The following DGKB variants were observed in gnomAD, a reference collection of about 807,000 sequenced individuals.
DGKB encodes diacylglycerol kinase beta, also known as 90 kDa diacylglycerol kinase.
In DGKB, 67 loss-of-function variants were observed where a neutral mutation model predicts 114.3. The ratio of observed to expected loss-of-function variants is 0.59; its 90% CI spans 0.48 to 0.72. The LOEUF (loss-of-function observed/expected upper bound fraction) is 0.72. Among genes scored for constraint, DGKB ranks in the 30% least tolerant of loss-of-function variants. The probability of loss-of-function intolerance (pLI) is 0.00; values close to 1 mark genes in which losing one functional copy is unlikely to be tolerated. For synonymous variants in DGKB, 398 were observed against 323.1 expected (o/e 1.23, Z -2.49); for missense variants, 907 against 975.2 (o/e 0.93, Z 0.93).
Position 14,147,431 on chromosome 7 carries a change from A to G in DGKB, c.*1700T>C, listed in dbSNP as rs1169266719. 1.3e-5 allele frequency: 2 copies of G among 152,150 alleles called. No individual in the cohort carries two copies. The highest frequency in any genetic ancestry group is 2.9e-5 in the Non-Finnish European group (2 of 67,996). 9.4% of individuals were successfully genotyped at this position (152,150 alleles called of 1,614,324 possible). A position where few individuals can be genotyped will look rare whatever the true frequency, so the allele number is the denominator to read the frequency against. ...CACTTTGTACGTAATCTTCCATTAT[A>G]GCACATTGCTTGAGAGCAGCTATTT... is the stretch of plus-strand genomic sequence containing the variant. On this transcript the variant is annotated 3_prime_UTR_variant, in exon 26 of 26. Coordinates refer to ENST00000402815, the MANE Select transcript of DGKB (RefSeq NM_001350709.2).
At position 14,338,694 on chromosome 7, in the gene DGKB, A is replaced by T. The variant is rs765612191; in HGVS notation, c.1943T>A (p.Ile648Lys). Residue 648 changes from isoleucine to lysine, a missense_variant, in exon 23 of 26, where the codon ATA becomes AAA. Ile to Lys is a moderately radical substitution (Grantham distance 102). Transcript: ENST00000402815. ...SVEIECDGVQ[I>K]DLINISLEGI... Reference sequence around the variant, plus strand: ...TTCCAGAGAGATGTTTATTAAATCTATCTGTACTCCATCACACTGATCGGT... The same window carrying T: ...TTCCAGAGAGATGTTTATTAAATCTTTCTGTACTCCATCACACTGATCGGT... The T allele has an allele frequency of 4.4e-6, 7 of 1,577,680 alleles. No individual in the cohort carries two copies. In the South Asian group the frequency reaches 8.2e-5, roughly 18 times the overall value.
At chr7:14,702,291 G>A (rs1303350834) in intron 6 of DGKB, among the ~76,000 whole-genome samples, 2 of 152,096 alleles carry the variant, frequency 1.3e-5, no homozygotes, top group African/African-American at 2.4e-5. Flanking sequence ...AGATGCCATT[G>A]TTAGGATTGA....
At chr7:14,933,607 C>T (rs1461302943) in intron 1 of DGKB, among the ~76,000 whole-genome samples, 1 of 152,074 alleles carries the variant, frequency 6.6e-6, no homozygotes, top group Non-Finnish European at 1.5e-5. Context: ...CTCTGCAGTC[C>T]TCAGAATTTA....
In DGKB at chr7:14,594,033, A is replaced by C. The variant is rs999316224; in HGVS notation, c.1434-10896T>G. ...ACTCCTGTGCTCAGTTCATTGGAACACTCATACTATTCTATAGAATTAGGT... is the reference window on the plus strand; with the variant it reads ...ACTCCTGTGCTCAGTTCATTGGAACCCTCATACTATTCTATAGAATTAGGT... On this transcript the variant is annotated intron_variant, in intron 17 of 25. Transcript: ENST00000402815. Among the ~76,000 whole-genome samples, 4 of 152,204 alleles carry C rather than the reference A, an allele frequency of 2.6e-5. No individual in the cohort carries two copies. The East Asian group carries it at 7.7e-4, about 29-fold the overall frequency.
At chr7:14,742,195 T>C (rs907427104) in intron 4 of DGKB, among the ~76,000 whole-genome samples, 1 of 152,222 alleles carries the variant, frequency 6.6e-6, no homozygotes, top group Non-Finnish European at 1.5e-5. Context: ...TCCACCTGTA[T>C]CTGCTTATTA....
At position 14,858,405 on chromosome 7, in the gene DGKB, T is replaced by A. The variant is rs1472915847; in HGVS notation, c.-187-16955A>T. Among the ~76,000 whole-genome samples the A allele has an allele frequency of 3.9e-5, 6 of 152,170 alleles. No homozygotes were observed. In the East Asian group the frequency reaches 1.2e-3, roughly 29 times the overall value. ...TCTCTTACTTATTTTAGGATATGAA[T>A]GTATTTCTTCTGAGAAAATAAAATA... On this transcript the variant is annotated intron_variant, in intron 1 of 25. Transcript: ENST00000402815.
At chr7:14,697,239 T>A (rs910659116) in intron 8 of DGKB, among the ~76,000 whole-genome samples, 3 of 152,194 alleles carry the variant, frequency 2.0e-5, no homozygotes, top group Non-Finnish European at 2.9e-5. Flanking sequence ...TAATTAAAAA[T>A]TCCTGACTAG....
intron 20 of DGKB, among the ~76,000 whole-genome samples, chr7:14,533,802 A>G (rs1172281869): frequency 6.6e-6 from 1 of 151,988 alleles, no homozygotes; most frequent in Non-Finnish European, 1.5e-5. Context: ...ATTGTCAACC[A>G]AAAGTACTCA....
chr7:14,527,161 G>A (rs1253108247), intron 20 of DGKB, among the ~76,000 whole-genome samples: 3 of 152,010 alleles, frequency 2.0e-5, no homozygotes, highest in African/African-American at 7.2e-5. Flanking sequence ...CTACTATTAA[G>A]TGTTATGCCT....
chr7:14,657,359 G>T (rs1283276489), intron 13 of DGKB, among the ~76,000 whole-genome samples: 2 of 151,622 alleles, frequency 1.3e-5, no homozygotes, highest in Admixed American at 1.3e-4. Flanking sequence ...CCAAAATATG[G>T]AAAAATGAGG....
chr7:14,410,002 C>G (rs1204146986), intron 21 of DGKB, among the ~76,000 whole-genome samples: 2 of 152,104 alleles, frequency 1.3e-5, no homozygotes, highest in East Asian at 3.9e-4. Flanking sequence ...AGGCTATTAA[C>G]AGTTAAATTT....
At chr7:14,847,065 C>A (rs6461141) in intron 1 of DGKB, among the ~76,000 whole-genome samples, 4 of 151,852 alleles carry the variant, frequency 2.6e-5, no homozygotes, top group Non-Finnish European at 4.4e-5. Context: ...CCGAGGCGGG[C>A]GGATCACGAG....
At chr7:14,600,749 CA>C in intron 17 of DGKB, among the ~76,000 whole-genome samples, 1 of 152,108 alleles carries the variant, frequency 6.6e-6, no homozygotes, top group East Asian at 1.9e-4. Context: ...TAACAAAAAC[CA>C]AAAAACCCTC....
At chr7:14,548,735 T>G (rs1439052659) in intron 20 of DGKB, among the ~76,000 whole-genome samples, 2 of 152,012 alleles carry the variant, frequency 1.3e-5, no homozygotes, top group African/African-American at 2.4e-5. Flanking sequence ...GAGCATGGGT[T>G]TGAGAAATCA....
At chr7:14,728,625 C>A (rs1241514263) in intron 5 of DGKB, among the ~76,000 whole-genome samples, 2 of 152,030 alleles carry the variant, frequency 1.3e-5, no homozygotes, top group Non-Finnish European at 2.9e-5. Flanking sequence ...TTTTTGAACT[C>A]CTATCTTAGT....
At chr7:14,888,859 G>A (rs1293721849) in intron 1 of DGKB, among the ~76,000 whole-genome samples, 1 of 151,586 alleles carries the variant, frequency 6.6e-6, no homozygotes, top group Non-Finnish European at 1.5e-5. Flanking sequence ...ATAAGGATTT[G>A]GTAAGTGTAA....
intron 21 of DGKB, among the ~76,000 whole-genome samples, chr7:14,451,060 G>T (rs1244747833): frequency 6.6e-6 from 1 of 152,132 alleles, no homozygotes; most frequent in Admixed American, 6.6e-5. Context: ...CCTTTCAGCA[G>T]AAGTAGAGAC....
chr7:14,343,198 C>CACACACACACAA (rs1320061315), intron 22 of DGKB, among the ~76,000 whole-genome samples: 2 of 149,066 alleles, frequency 1.3e-5, no homozygotes, highest in African/African-American at 2.5e-5. Flanking sequence ...CACACACACA[C>CACACACACACAA]AACAAGATAT....
intron 21 of DGKB, among the ~76,000 whole-genome samples, chr7:14,437,438 A>G (rs1310705829): frequency 6.6e-6 from 1 of 152,160 alleles, no homozygotes; most frequent in African/African-American, 2.4e-5. Context: ...AAAGTTAAAC[A>G]CAAATTGAGG....
Sources: allele counts gnomAD v4.1 joint callset (sites outside exome capture counted in the v4.1 genomes callset), GRCh38; gene constraint gnomAD v4.1.1; transcripts MANE v1.5; gene names NCBI Gene and HGNC (gene_info 2026-07-23, HGNC 2026-07-21).